The following MTA1 variants were observed in gnomAD, a reference collection of about 807,000 sequenced individuals.
MTA1 encodes the protein metastasis-associated protein MTA1.
In MTA1, 15 loss-of-function variants were observed where a neutral mutation model predicts 97.0. That is an observed-to-expected ratio of 0.15 (90% CI 0.10 to 0.24). The LOEUF is 0.24. Among genes scored for constraint, MTA1 ranks in the 10% least tolerant of loss-of-function variants. MTA1 has a pLI of 1.00. For missense variants in MTA1, 709 were observed against 1,015.1 expected, an observed-to-expected ratio of 0.70 and a Z score of 4.10; for synonymous variants, 435 against 417.5, an observed-to-expected ratio of 1.04 and a Z score of -0.51.
chr14:105,469,769 C>CCTCCA (rs1555433859), intron 19 of MTA1, 72 bp from the exon 20 acceptor site: 3 of 241,840 alleles, frequency 1.2e-5, no homozygotes, highest in East Asian at 3.3e-4. Context: ...CAGCACCTCC[C>CCTCCA]AGCGGGAGCC....
rs781860871 is a variant in MTA1, at chr14:105,458,322, G to C, written c.603G>C (p.Ala201=). ...QSRLETQVWE[A]HNPLTDKQID... ...GGTTGGAGACCCAGGTGTGGGAGGC[G>C]CACAACCCACTCACAGACAAGCAGA... Residue 201 remains alanine (A), a synonymous_variant, in exon 8 of 21, where the codon GCG becomes GCC. Transcript: ENST00000331320. The C allele has an allele frequency of 1.2e-6, 2 of 1,612,672 alleles. No homozygotes were observed. The highest frequency in any genetic ancestry group is 1.7e-6 in the Non-Finnish European group (2 of 1,179,908).
intron 10 of MTA1, among the ~76,000 whole-genome samples, chr14:105,462,161 A>G (rs372870099): frequency 0.15 from 1,054 of 6,922 alleles, 4 homozygotes; most frequent in Non-Finnish European, 0.23. Flanking sequence ...CGGGGATGGG[A>G]GGCTGCAGCT....
At chr14:105,458,587 G>T (rs587749800) in intron 8 of MTA1, among the ~76,000 whole-genome samples, 10 of 152,152 alleles carry the variant, frequency 6.6e-5, no homozygotes, top group African/African-American at 1.9e-4. Flanking sequence ...CGGCCCTTCT[G>T]GGGGGCAGGC....
chr14:105,449,896 C>T (rs1010462743), intron 4 of MTA1, among the ~76,000 whole-genome samples, 162 bp from the exon 5 acceptor site: 1 of 152,176 alleles, frequency 6.6e-6, no homozygotes, highest in African/African-American at 2.4e-5. Flanking sequence ...GCCGCCGGGC[C>T]GCCATAGGGT....
chr14:105,421,647 C>G (rs587702233), intron 1 of MTA1, among the ~76,000 whole-genome samples: 1 of 152,368 alleles, frequency 6.6e-6, no homozygotes, highest in Non-Finnish European at 1.5e-5. Flanking sequence ...TGGCTGCCCC[C>G]CCTCCAACCT....
chr14:105,450,245 C>T lies in MTA1; in HGVS notation c.369-16C>T, dbSNP rs200275765. The T allele has an allele frequency of 1.9e-5, 30 of 1,609,262 alleles. No homozygotes were observed. The highest frequency in any genetic ancestry group is 1.6e-4 in the Middle Eastern group (1 of 6,066). On this transcript the variant is annotated splice_polypyrimidine_tract_variant and intron_variant, in intron 5 of 20. Coordinates refer to ENST00000331320, the MANE Select transcript of MTA1 (RefSeq NM_004689.4). ...GCTGCCCTCGCCTTTCCAGCCTGCC[C>T]GTCCTTCTCTTCCAGGGGCAAGTGC... is the stretch of plus-strand genomic sequence containing the variant.
rs1358087674 is a variant in MTA1 at position 105,424,724 on chromosome 14, G to C, written c.28+4661G>C. On this transcript the variant is annotated intron_variant, in intron 1 of 20. Transcript: ENST00000331320. This position sits in a 1 kb window ranked among gnomAD's most constrained non-coding sequence, Gnocchi z 4.0. ...TAGGCCAGGCTGGTCTCGAACTCCT[G>C]ACCTCAAGTGATCCACCCGCCTCGG... 1.3e-5 allele frequency among the ~76,000 whole-genome samples: 2 copies of C among 151,058 alleles called. No individual in the cohort carries two copies. Among genetic ancestry groups the C allele is most frequent in the African/African-American group, 2.4e-5 (1 of 40,962 alleles).
chr14:105,449,920 A>G (rs1254936239), intron 4 of MTA1, 138 bp from the exon 5 acceptor site: 1 of 1,266,630 alleles, frequency 7.9e-7, no homozygotes, highest in African/African-American at 1.5e-5. Flanking sequence ...GCAGTGGGAC[A>G]GTGTCCGGCA....
At chr14:105,445,572 G>C in intron 3 of MTA1, 61 bp downstream of exon 3, 1 of 1,565,480 alleles carries the variant, frequency 6.4e-7, no homozygotes, top group Admixed American at 1.7e-5. Flanking sequence ...GAGGGCTGGC[G>C]GGGTCCTTCT....
intron 7 of MTA1, among the ~76,000 whole-genome samples, chr14:105,455,946 G>A (rs1468291422): frequency 1.3e-5 from 2 of 151,802 alleles, no homozygotes; most frequent in East Asian, 3.9e-4. Flanking sequence ...TCTAAGTGTG[G>A]GGAAGTCACT....
Position 105,466,477 on chromosome 14 carries a change from T to C in MTA1, c.1676T>C (p.Val559Ala), listed in dbSNP as rs782188711. The change falls in exon 17 of 21, where the codon GTG (valine) becomes GCG (alanine). Residue 559 changes from valine to alanine, a missense_variant. This residue lies in a region of MTA1 where 388 missense variants were observed against 421.6 expected (regional missense o/e 0.92). Transcript: ENST00000331320. ...KPDPVKSVSS[V>A]LSSLTPAKVA... ...GACCCCGTGAAAAGCGTGTCCAGCG[T>C]GCTCAGCAGCCTGACGCCCGCCAAG... 7.4e-7 allele frequency: 1 copy of C among 1,345,712 alleles called. No individual in the cohort carries two copies. The highest frequency in any genetic ancestry group is 9.8e-7 in the Non-Finnish European group (1 of 1,015,996). The allele number at this position is 1,345,712 out of a possible 1,614,324, so 83.4% of individuals were successfully genotyped here. A position where few individuals can be genotyped will look rare whatever the true frequency, so the allele number is the denominator to read the frequency against.
intron 1 of MTA1, among the ~76,000 whole-genome samples, chr14:105,423,246 G>A (rs1275413963): frequency 7.3e-6 from 1 of 136,884 alleles, no homozygotes; most frequent in Non-Finnish European, 1.5e-5. Flanking sequence ...TTGAGATGGA[G>A]TCTTGCTCTG....
intron 2 of MTA1, 150 bp downstream of exon 2, chr14:105,438,889 T>TGCAGGTGACAGTGGA: frequency 1.3e-6 from 1 of 754,788 alleles, no homozygotes. Context: ...CCGTCCACTG[T>TGCAGGTGACAGTGGA]CACCTGCACC....
At position 105,463,677 on chromosome 14, in the gene MTA1, C is replaced by T; in HGVS notation, c.1076+126C>T. 3.1e-6 allele frequency: 3 copies of T among 953,278 alleles called. No individual in the cohort carries two copies. Among genetic ancestry groups the T allele is most frequent in the South Asian group, 3.0e-5 (2 of 67,706 alleles). The allele number at this position is 953,278 out of a possible 1,614,324, so 59.1% of individuals were successfully genotyped here. A position where few individuals can be genotyped will look rare whatever the true frequency, so the allele number is the denominator to read the frequency against. On this transcript the variant is annotated intron_variant, in intron 12 of 20. Coordinates refer to ENST00000331320, the MANE Select transcript of MTA1 (RefSeq NM_004689.4). The surrounding 1 kb of genome is among the most constrained non-coding windows in gnomAD (Gnocchi z 5.9). ...AGAGGCTGGGAAAGTTGGGGCAGCC[C>T]CCGGGAGGGCGGCCCAGGGCTGGGG...
chr14:105,465,805 C>T (rs1555432635), intron 16 of MTA1: 1 of 152,586 alleles, frequency 6.6e-6, no homozygotes, highest in Non-Finnish European at 1.5e-5. Flanking sequence ...TGGGGGGCCT[C>T]CTCCATTTGC....
In MTA1 at chr14:105,454,343, T is replaced by A. The variant is rs199618508; in HGVS notation, c.550+33T>A. ...GGGCCGCCCTGGGCATGGAGCCCTC[T>A]GTCCTGTCCTGTCCTGCCGGGTGAC... On this transcript the variant is annotated intron_variant, in intron 7 of 20. Transcript: ENST00000331320. The A allele has an allele frequency of 2.9e-6, 4 of 1,397,324 alleles. No individual in the cohort carries two copies. In the East Asian group the frequency reaches 9.3e-5, roughly 32 times the overall value. 86.6% of individuals were successfully genotyped at this position (1,397,324 alleles called of 1,614,324 possible).
At chr14:105,468,420 T>G in intron 18 of MTA1, 1 of 1,263,450 alleles carries the variant, frequency 7.9e-7, no homozygotes, top group Non-Finnish European at 1.0e-6. Context: ...CCCTGAGGTA[T>G]GGCTGTTCCT....
At chr14:105,466,606 T>TGGCCCTCCCCGCCCGGTGAGTCC (rs1555432933) in intron 17 of MTA1, 28 bp downstream of exon 17, 13 of 1,565,046 alleles carry the variant, frequency 8.3e-6, no homozygotes, top group Middle Eastern at 1.7e-4. Context: ...CCGGTGAGTG[T>TGGCCCTCCCCGCCCGGTGAGTCC]GGCCCTCCCC....
Position 105,460,381 on chromosome 14 carries a change from C to A in MTA1, c.677C>A (p.Ala226Asp). 6.2e-7 allele frequency: 1 copy of A among 1,611,484 alleles called. No homozygotes were observed. The highest frequency in any genetic ancestry group is 1.1e-5 in the South Asian group (1 of 90,960). ...AGCTCTGTGGGCACCTTCGCACGGG[C>A]CCTGGACTGCAGCAGCTCCGTCCGA... ...VARSVGTFAR[A>D]LDCSSSVRQP... The change falls in exon 9 of 21, where the codon GCC becomes GAC. Residue 226 changes from alanine (A) to aspartate (D), a missense_variant. By Grantham distance (126) the Ala-to-Asp change is moderately radical. Transcript: ENST00000331320.
Sources: allele counts gnomAD v4.1 joint callset (sites outside exome capture counted in the v4.1 genomes callset), GRCh38; gene constraint gnomAD v4.1.1; regional missense constraint gnomAD v4.1.1; non-coding constraint Gnocchi (gnomAD v3.1); transcripts MANE v1.5; gene names NCBI Gene and HGNC (gene_info 2026-07-23, HGNC 2026-07-21).